The following PTPRG variants were observed in gnomAD, a reference collection of about 807,000 sequenced individuals.
PTPRG encodes the protein receptor-type tyrosine-protein phosphatase gamma.
In PTPRG, 102 loss-of-function variants were observed where a neutral mutation model predicts 165.3. That is an observed-to-expected ratio of 0.62 (90% CI 0.53 to 0.73). PTPRG has a LOEUF of 0.73. Among genes scored for constraint, PTPRG ranks in the 30% least tolerant of loss-of-function variants. PTPRG has a pLI of 0.00. For synonymous variants in PTPRG, 675 were observed against 669.5 expected (o/e 1.01, Z -0.13); for missense variants, 1,866 against 1,861.4 (o/e 1.00, Z -0.05).
chr3:61,866,131 A>G (rs1235960951), intron 2 of PTPRG, among the ~76,000 whole-genome samples: 1 of 152,224 alleles, frequency 6.6e-6, no homozygotes, highest in Non-Finnish European at 1.5e-5. Flanking sequence ...TGGATAAGTC[A>G]TGCAGCACCG....
chr3:61,563,182 C>T lies in PTPRG; in HGVS notation c.85+810C>T, dbSNP rs756210592. On this transcript the variant is annotated intron_variant, in intron 1 of 29. Coordinates refer to ENST00000474889, the MANE Select transcript of PTPRG (RefSeq NM_002841.4). ...CGGGGCGGTTTCGGCGGCCGGGTTG[C>T]TGTTCGCGCCGGGGCTGATTTTTTT... 7.7e-4 allele frequency among the ~76,000 whole-genome samples: 116 copies of T among 151,432 alleles called. 1 individual carries two copies. In the Middle Eastern group the frequency reaches 0.01, roughly 13 times the overall value.
chr3:62,146,780 C>T (rs1414764790), intron 6 of PTPRG, among the ~76,000 whole-genome samples: 1 of 152,144 alleles, frequency 6.6e-6, no homozygotes, highest in South Asian at 2.1e-4. Flanking sequence ...AGCCTGAAAG[C>T]ATCCGTAGAC....
chr3:61,867,365 G>A (rs772289365), intron 2 of PTPRG, among the ~76,000 whole-genome samples: 7 of 152,096 alleles, frequency 4.6e-5, no homozygotes, highest in South Asian at 4.1e-4. Flanking sequence ...GGAGGTACCC[G>A]CTGGGTAACT....
chr3:61,925,637 G>C (rs2039189144), intron 2 of PTPRG, among the ~76,000 whole-genome samples: 1 of 152,098 alleles, frequency 6.6e-6, no homozygotes, highest in Non-Finnish European at 1.5e-5. Context: ...CAGCTACTCA[G>C]GAGGCTGAGG....
chr3:62,080,061 C>CTTTTTTTTTTTTTTTTTTTTTTTTTTTTT (rs774262138), intron 5 of PTPRG, among the ~76,000 whole-genome samples: 2 of 111,568 alleles, frequency 1.8e-5, no homozygotes, highest in African/African-American at 3.6e-5. Context: ...CCCTTCGGTT[C>CTTTTTTTTTTTTTTTTTTTTTTTTTTTTT]ATTTTTTTTT....
intron 8 of PTPRG, among the ~76,000 whole-genome samples, chr3:62,176,535 T>C (rs1003098111): frequency 1.3e-5 from 2 of 152,166 alleles, no homozygotes; most frequent in African/African-American, 4.8e-5. Flanking sequence ...CTTCCCTGAA[T>C]GAAGGAGCTT....
At chr3:62,132,522 T>G (rs1471051671) in intron 5 of PTPRG, 80 bp from the exon 6 acceptor site, 9 of 1,141,076 alleles carry the variant, frequency 7.9e-6, no homozygotes, top group Non-Finnish European at 1.1e-5. Context: ...ATTCTCCCCC[T>G]TCTCTTTAGA....
intron 4 of PTPRG, among the ~76,000 whole-genome samples, chr3:62,038,957 CAG>C: frequency 6.6e-6 from 1 of 152,170 alleles, no homozygotes; most frequent in Non-Finnish European, 1.5e-5. Context: ...TTTTTTGAGA[CAG>C]AGTGTTGCTC....
intron 2 of PTPRG, among the ~76,000 whole-genome samples, chr3:61,799,457 C>CT (rs1225163408): frequency 6.6e-6 from 1 of 152,138 alleles, no homozygotes; most frequent in Non-Finnish European, 1.5e-5. Flanking sequence ...CATCATGTCT[C>CT]TTTAGGTTCT....
rs1363495580 is a variant in PTPRG, at chr3:61,618,196, TA to T, written c.85+55831del. The stretch of plus-strand genomic sequence containing the variant: ...TGTGCTATGTGAAAGATGGCAGGCT[TA>T]AAAAAATCCATTTGTATTTCTGGCA... On this transcript the variant is annotated intron_variant, in intron 1 of 29. Coordinates refer to ENST00000474889, the MANE Select transcript of PTPRG (RefSeq NM_002841.4). Among the ~76,000 whole-genome samples the T allele has an allele frequency of 2.6e-5, 4 of 152,308 alleles. No individual in the cohort carries two copies. In the South Asian group the frequency reaches 8.3e-4, roughly 32 times the overall value.
In PTPRG at chr3:61,958,214, C is replaced by T. The variant is rs1046039318; in HGVS notation, c.191-31411C>T. Among the ~76,000 whole-genome samples, 4 of 152,046 alleles carry T rather than the reference C, an allele frequency of 2.6e-5. 1 individual carries two copies. Among genetic ancestry groups the T allele is most frequent in the Non-Finnish European group, 5.9e-5 (4 of 68,020 alleles). ...CCATCTTAGCTCACTGCAACCTCTGCCTCCCGAGTTCAAACGTTTCTCCTG... is the reference window on the plus strand; with the variant it reads ...CCATCTTAGCTCACTGCAACCTCTGTCTCCCGAGTTCAAACGTTTCTCCTG... On this transcript the variant is annotated intron_variant, in intron 2 of 29. Coordinates refer to ENST00000474889, the MANE Select transcript of PTPRG (RefSeq NM_002841.4).
chr3:61,672,568 A>C, intron 1 of PTPRG, among the ~76,000 whole-genome samples: 1 of 105,974 alleles, frequency 9.4e-6, no homozygotes, highest in Non-Finnish European at 2.0e-5. Flanking sequence ...AAAAATAAGA[A>C]AACCAGTCAG....
chr3:61,898,125 T>G (rs1357631933), intron 2 of PTPRG, among the ~76,000 whole-genome samples: 1 of 152,232 alleles, frequency 6.6e-6, no homozygotes, highest in Non-Finnish European at 1.5e-5. Flanking sequence ...CTTGCCTTGT[T>G]CCCAATCTTA....
chr3:62,159,295 C>T (rs981769092), intron 7 of PTPRG, among the ~76,000 whole-genome samples: 35 of 151,576 alleles, frequency 2.3e-4, no homozygotes, highest in Non-Finnish European at 3.7e-4. Flanking sequence ...CATGCCACTG[C>T]GCTCCAGTGT....
At chr3:62,013,999 G>T (rs139027826) in intron 4 of PTPRG, among the ~76,000 whole-genome samples, 2 of 152,182 alleles carry the variant, frequency 1.3e-5, no homozygotes, top group Non-Finnish European at 1.5e-5. Context: ...GGATTTATGG[G>T]CCTGTGTATC....
intron 2 of PTPRG, among the ~76,000 whole-genome samples, chr3:61,938,887 G>A (rs1216106939): frequency 6.6e-6 from 1 of 152,070 alleles, no homozygotes; most frequent in African/African-American, 2.4e-5. Context: ...TTTTTGCTTT[G>A]GGGGTGAAAT....
At chr3:61,858,665 T>G (rs546483369) in intron 2 of PTPRG, among the ~76,000 whole-genome samples, 1 of 152,302 alleles carries the variant, frequency 6.6e-6, no homozygotes, top group African/African-American at 2.4e-5. Flanking sequence ...AGAAACACTA[T>G]TATAATAAAT....
At chr3:62,260,133 A>G (rs1701650384) in intron 16 of PTPRG, among the ~76,000 whole-genome samples, 1 of 152,180 alleles carries the variant, frequency 6.6e-6, no homozygotes, top group South Asian at 2.1e-4. Context: ...GCACTGGGTC[A>G]CTACCATGAC....
At chr3:62,192,566 G>A (rs1699864034) in intron 9 of PTPRG, among the ~76,000 whole-genome samples, 1 of 151,564 alleles carries the variant, frequency 6.6e-6, no homozygotes, top group Non-Finnish European at 1.5e-5. Flanking sequence ...CCGCCACCAT[G>A]CCTGGCTAAT....
Sources: gnomAD v4.1 joint callset for allele counts (sites outside exome capture counted in the v4.1 genomes callset) on GRCh38, gnomAD v4.1.1 for gene constraint, MANE v1.5 for transcripts, NCBI Gene and HGNC (gene_info 2026-07-23, HGNC 2026-07-21) for gene names.